Variants in CDR2L observed in about 807,000 individuals in gnomAD.
The protein encoded by CDR2L is cerebellar degeneration-related protein 2-like.
CDR2L carries 19 observed loss-of-function variants against 36.1 expected under a neutral mutation model. The ratio of observed to expected loss-of-function variants is 0.53; its 90% CI spans 0.37 to 0.77. The LOEUF is 0.77. Ranked by LOEUF, CDR2L falls within the 30% of genes least tolerant of loss-of-function variation. The pLI is 0.00. For missense variants in CDR2L, 575 were observed against 627.2 expected, an observed-to-expected ratio of 0.92 and a Z score of 0.89; for synonymous variants, 285 against 280.4, an observed-to-expected ratio of 1.02 and a Z score of -0.16.
chr17:74,991,109 A>G (rs2039793964), intron 1 of CDR2L, among the ~76,000 whole-genome samples: 1 of 152,238 alleles, frequency 6.6e-6, no homozygotes, highest in South Asian at 2.1e-4. Context: ...ATTTATAAAA[A>G]TAGAAAAAGC....
At chr17:74,996,376 G>A (rs930225690) in intron 1 of CDR2L, among the ~76,000 whole-genome samples, 12 of 150,994 alleles carry the variant, frequency 7.9e-5, no homozygotes, top group Admixed American at 5.9e-4. Context: ...CCCGGGAGGC[G>A]GAGGTTGCAG....
Position 75,003,436 on chromosome 17 carries a change from C to A in CDR2L, c.760C>A (p.Leu254Met), listed in dbSNP as rs557391388. 1.9e-6 allele frequency: 3 copies of A among 1,577,814 alleles called. No homozygotes were observed. Among genetic ancestry groups the A allele is most frequent in the Admixed American group, 1.8e-5 (1 of 54,830 alleles). The change falls in exon 5 of 5, where the codon CTG (leucine) becomes ATG (methionine). Residue 254 changes from leucine to methionine, a missense_variant. Coordinates refer to ENST00000337231, the MANE Select transcript of CDR2L (RefSeq NM_014603.3). ...VQELEAELLE[L>M]QQMKQAKTYL... ...GGAGCTGGAGGCCGAGCTGCTGGAG[C>A]TGCAGCAGATGAAGCAGGCCAAGAC...
chr17:75,003,498 C>T lies in CDR2L; in HGVS notation c.822C>T (p.Ala274=). ...LLGPDDHLAE[A]LLAPLTQAPE... is the part of the protein sequence containing the mutation. ...GTCCGGACGACCACCTGGCCGAGGC[C>T]CTGCTCGCACCCCTCACGCAGGCCC... The change falls in exon 5 of 5, where the codon GCC becomes GCT. Residue 274 remains alanine, a synonymous_variant. Coordinates refer to ENST00000337231, the MANE Select transcript of CDR2L (RefSeq NM_014603.3). 1 of 1,547,616 alleles carries T rather than the reference C, an allele frequency of 6.5e-7. No homozygotes were observed. Among genetic ancestry groups the T allele is most frequent in the Non-Finnish European group, 8.7e-7 (1 of 1,145,594 alleles).
Position 75,003,173 on chromosome 17 carries a change from T to A in CDR2L, c.507-10T>A. ...GCCCCCACCCCGCTGCGACTCTCACTACCCGCCAGGTGCAAGGATGCTTTC... is the reference window on the plus strand; with the variant it reads ...GCCCCCACCCCGCTGCGACTCTCACAACCCGCCAGGTGCAAGGATGCTTTC... On this transcript the variant is annotated splice_polypyrimidine_tract_variant and intron_variant, in intron 4 of 4. Coordinates refer to ENST00000337231, the MANE Select transcript of CDR2L (RefSeq NM_014603.3). 1 of 1,556,276 alleles carries A rather than the reference T, an allele frequency of 6.4e-7. No homozygotes were observed. Among genetic ancestry groups the A allele is most frequent in the Non-Finnish European group, 8.7e-7 (1 of 1,150,934 alleles).
At chr17:74,997,421 C>A (rs947826991) in intron 1 of CDR2L, among the ~76,000 whole-genome samples, 8 of 152,116 alleles carry the variant, frequency 5.3e-5, no homozygotes, top group Admixed American at 5.2e-4. Flanking sequence ...TGTCCATTTG[C>A]CTGAGCCTCC....
At position 74,989,471 on chromosome 17, in the gene CDR2L, C is replaced by T. The variant is rs1053190405; in HGVS notation, c.79+1349C>T. On this transcript the variant is annotated intron_variant, in intron 1 of 4. Coordinates refer to ENST00000337231, the MANE Select transcript of CDR2L (RefSeq NM_014603.3). This position sits in a 1 kb window ranked among gnomAD's most constrained non-coding sequence, Gnocchi z 4.2. ...CATCCACACATTGTGACAACCCCCT[C>T]TCCCATCCTGGGCAGTAAATTTTTC... Among the ~76,000 whole-genome samples the T allele has an allele frequency of 7.2e-6, 1 of 138,192 alleles. No individual in the cohort carries two copies. Among genetic ancestry groups the T allele is most frequent in the Non-Finnish European group, 1.6e-5 (1 of 64,018 alleles). 90.7% of individuals were successfully genotyped at this position (138,192 alleles called of 152,430 possible). A position where few individuals can be genotyped will look rare whatever the true frequency, so the allele number is the denominator to read the frequency against.
intron 1 of CDR2L, among the ~76,000 whole-genome samples, chr17:74,999,091 C>T (rs994450119): frequency 3.3e-4 from 50 of 152,170 alleles, no homozygotes; most frequent in African/African-American, 1.1e-3. Flanking sequence ...GGGCACAGCA[C>T]TGACTCCTCA....
chr17:75,003,767 TGGA>T lies in CDR2L; in HGVS notation c.1093_1095del (p.Glu365del), dbSNP rs2039884487. The T allele has an allele frequency of 6.6e-7, 1 of 1,509,732 alleles. No individual in the cohort carries two copies. Among genetic ancestry groups the T allele is most frequent in the Non-Finnish European group, 8.9e-7 (1 of 1,126,584 alleles). 93.5% of individuals were successfully genotyped at this position (1,509,732 alleles called of 1,614,324 possible). A position where few individuals can be genotyped will look rare whatever the true frequency, so the allele number is the denominator to read the frequency against. On this transcript the variant is annotated inframe_deletion, in exon 5 of 5. Transcript: ENST00000337231. ...GTGGACGAGCAGTACCACGCGCTGC[TGGA>T]GAAGTACGAGGAGCTGCTGAGCAAG...
At position 75,001,361 on chromosome 17, in the gene CDR2L, C is replaced by T. The variant is rs1435926295; in HGVS notation, c.213C>T (p.Asp71=). ...CCCAGTACCTAACCAAGCAGCTGGACACGCTGCGGCACGTGAACGAGCAGC... is the reference window on the plus strand; with the variant it reads ...CCCAGTACCTAACCAAGCAGCTGGATACGCTGCGGCACGTGAACGAGCAGC... ...QEIEYLTKQL[D]TLRHVNEQHA... is the part of the protein sequence containing the mutation. Residue 71 remains aspartate, a synonymous_variant, in exon 3 of 5, where the codon GAC becomes GAT. Transcript: ENST00000337231. 1.2e-6 allele frequency: 2 copies of T among 1,609,232 alleles called. No homozygotes were observed. The highest frequency in any genetic ancestry group is 1.7e-6 in the Non-Finnish European group (2 of 1,178,054).
rs2039887054 is a variant in CDR2L, at chr17:75,003,969, G to A, written c.1293G>A (p.Gln431=). Residue 431 remains glutamine (Q), a synonymous_variant, in exon 5 of 5, where the codon CAG becomes CAA. Transcript: ENST00000337231. Reference sequence around the variant, plus strand: ...AGGCCGTGGACAAGCGGCTGGAACAGAGCCAGCCCGAGTACAAGGCGCTCT... The same window carrying A: ...AGGCCGTGGACAAGCGGCTGGAACAAAGCCAGCCCGAGTACAAGGCGCTCT... ...HVEAVDKRLE[Q]SQPEYKALFK... 1 of 1,609,470 alleles carries A rather than the reference G, an allele frequency of 6.2e-7. No homozygotes were observed. The highest frequency in any genetic ancestry group is 1.7e-5 in the Admixed American group (1 of 59,408).
Position 75,003,968 on chromosome 17 carries a change from A to G in CDR2L, c.1292A>G (p.Gln431Arg), listed in dbSNP as rs2039887032. The change falls in exon 5 of 5, where the codon CAG becomes CGG. Residue 431 changes from glutamine (Q) to arginine (R), a missense_variant. Physicochemically the swap from Gln to Arg is conservative, Grantham distance 43. Transcript: ENST00000337231. ...HVEAVDKRLE[Q>R]SQPEYKALFK... ...GAGGCCGTGGACAAGCGGCTGGAAC[A>G]GAGCCAGCCCGAGTACAAGGCGCTC... The G allele has an allele frequency of 6.2e-7, 1 of 1,609,866 alleles. No homozygotes were observed. Among genetic ancestry groups the G allele is most frequent in the Non-Finnish European group, 8.5e-7 (1 of 1,178,336 alleles).
chr17:74,988,145 C>T, intron 1 of CDR2L, 23 bp downstream of exon 1: 1 of 1,479,752 alleles, frequency 6.8e-7, no homozygotes, highest in Non-Finnish European at 9.0e-7. Context: ...GCGACCGGGA[C>T]AGGAAGGCGG....
At chr17:74,990,722 G>A (rs1022983782) in intron 1 of CDR2L, among the ~76,000 whole-genome samples, 2 of 152,236 alleles carry the variant, frequency 1.3e-5, no homozygotes, top group Non-Finnish European at 2.9e-5. Context: ...GGTTCTGTGG[G>A]GCATTCCCGT....
chr17:74,987,976 T>C lies in CDR2L; in HGVS notation c.-68T>C. The stretch of plus-strand genomic sequence containing the variant: ...GGAGGCCCGGCCCGCCTCAGCCGCA[T>C]TGTCCCGGGCCGCGCGCACCGGCCC... On this transcript the variant is annotated 5_prime_UTR_variant, in exon 1 of 5. Coordinates refer to ENST00000337231, the MANE Select transcript of CDR2L (RefSeq NM_014603.3). 1 of 916,260 alleles carries C rather than the reference T, an allele frequency of 1.1e-6. No homozygotes were observed. Among genetic ancestry groups the C allele is most frequent in the Non-Finnish European group, 1.5e-6 (1 of 685,816 alleles). The allele number at this position is 916,260 out of a possible 1,614,324, so 56.8% of individuals were successfully genotyped here. A position where few individuals can be genotyped will look rare whatever the true frequency, so the allele number is the denominator to read the frequency against.
At position 75,005,622 on chromosome 17, in the gene CDR2L, G is replaced by A. The variant is rs2039898937; in HGVS notation, c.*1548G>A. 6.5e-6 allele frequency: 1 copy of A among 152,880 alleles called. No individual in the cohort carries two copies. The highest frequency in any genetic ancestry group is 1.9e-4 in the East Asian group (1 of 5,196). The allele number at this position is 152,880 out of a possible 1,614,324, so 9.5% of individuals were successfully genotyped here. Reference sequence around the variant, plus strand: ...AGGCAGCTCCCTGCCCTCCGTGTGTGTCTGTTATCTGGGGGAGAGGAGTGT... The same window carrying A: ...AGGCAGCTCCCTGCCCTCCGTGTGTATCTGTTATCTGGGGGAGAGGAGTGT... On this transcript the variant is annotated 3_prime_UTR_variant, in exon 5 of 5. Transcript: ENST00000337231. This position sits in a 1 kb window ranked among gnomAD's most constrained non-coding sequence, Gnocchi z 4.2.
chr17:75,001,483 T>G lies in CDR2L; in HGVS notation c.335T>G (p.Ile112Ser). 1 of 1,564,486 alleles carries G rather than the reference T, an allele frequency of 6.4e-7. No individual in the cohort carries two copies. Among genetic ancestry groups the G allele is most frequent in the Non-Finnish European group, 8.6e-7 (1 of 1,157,738 alleles). The change falls in exon 3 of 5, where the codon ATC becomes AGC. Residue 112 changes from isoleucine to serine, a missense_variant. By Grantham distance (142) the Ile-to-Ser change is moderately radical. Transcript: ENST00000337231. ...VLESKAAQQK[I>S]HGLTETIERL... The stretch of plus-strand genomic sequence containing the variant: ...GAGAGTAAGGCTGCCCAGCAGAAGA[T>G]CCATGGGTGAGGGCCCGGCTGAGGG...
chr17:74,995,219 T>G (rs1273851495), intron 1 of CDR2L, among the ~76,000 whole-genome samples: 1 of 151,888 alleles, frequency 6.6e-6, no homozygotes, highest in Non-Finnish European at 1.5e-5. Flanking sequence ...TCTTTTTTTT[T>G]TTTTTCTTTT....
intron 3 of CDR2L, 105 bp downstream of exon 3, chr17:75,001,594 A>G: frequency 9.4e-7 from 1 of 1,066,660 alleles, no homozygotes; most frequent in Non-Finnish European, 1.3e-6. Flanking sequence ...ACGTCTCCCT[A>G]GGAACCGGGG....
chr17:74,988,614 C>T (rs1199638591), intron 1 of CDR2L, among the ~76,000 whole-genome samples: 1 of 152,198 alleles, frequency 6.6e-6, no homozygotes, highest in East Asian at 1.9e-4. Flanking sequence ...GTTTCCCTAA[C>T]TCGCTTCCTA....
Sources: gnomAD v4.1 joint callset for allele counts (sites outside exome capture counted in the v4.1 genomes callset) on GRCh38, gnomAD v4.1.1 for gene constraint, Gnocchi (gnomAD v3.1) non-coding constraint, MANE v1.5 for transcripts, NCBI Gene and HGNC (gene_info 2026-07-23, HGNC 2026-07-21) for gene names.